UBOX5: variants seen among roughly 807,000 people sequenced by gnomAD.
UBOX5 encodes U-box domain containing 5, also known as RING finger protein 37.
Under a neutral mutation model 39.0 loss-of-function variants are expected in UBOX5, and 28 were observed. The ratio of observed to expected loss-of-function variants is 0.72; its 90% CI spans 0.53 to 0.98. The LOEUF is 0.98. UBOX5 is among the 50% of genes least tolerant of loss of function. The pLI, the probability that UBOX5 is intolerant of heterozygous loss-of-function variation, is 0.00. For synonymous variants in UBOX5, 283 were observed against 275.5 expected (o/e 1.03, Z -0.27); for missense variants, 585 against 674.4 (o/e 0.87, Z 1.47).
Position 3,143,600 on chromosome 20 carries a change from C to T in UBOX5, c.-42+16166G>A, listed in dbSNP as rs1477229375. The stretch of plus-strand genomic sequence containing the variant: ...CACGAGGTCAGGAGTTCAAGACCAG[C>T]CTGGCCAAGATGGCGAAACCCTGTC... On this transcript the variant is annotated intron_variant, in intron 1 of 4. Transcript: ENST00000217173. Among the ~76,000 whole-genome samples the T allele has an allele frequency of 2.6e-5, 4 of 152,150 alleles. No homozygotes were observed. The East Asian group carries it at 7.7e-4, about 29-fold the overall frequency.
intron 1 of UBOX5, among the ~76,000 whole-genome samples, chr20:3,143,348 C>T (rs916798865): frequency 2.6e-5 from 4 of 151,890 alleles, no homozygotes; most frequent in African/African-American, 7.3e-5. Context: ...GTGGTCTGCC[C>T]GCCTCAGCTT....
intron 1 of UBOX5, chr20:3,148,569 A>G: frequency 1.9e-6 from 3 of 1,614,176 alleles, no homozygotes; most frequent in Non-Finnish European, 2.5e-6. Context: ...CTCAGCTTAC[A>G]CAAATAATCA....
chr20:3,121,133 C>T (rs754908016), intron 3 of UBOX5, among the ~76,000 whole-genome samples: 48 of 152,294 alleles, frequency 3.2e-4, no homozygotes, highest in African/African-American at 1.2e-3. Context: ...AACAGAGGAG[C>T]GAAACACGCA....
In UBOX5 at chr20:3,149,059, A is replaced by G. The variant is rs2066598811; in HGVS notation, c.-42+10707T>C. The G allele has an allele frequency of 1.2e-6, 2 of 1,610,334 alleles. No individual in the cohort carries two copies. Among genetic ancestry groups the G allele is most frequent in the African/African-American group, 2.7e-5 (2 of 74,822 alleles). ...ATCTTACAAGTTTTAATGACTTGAG[A>G]GTAGCTGCCATTCTGGTGTCAGTAT... On this transcript the variant is annotated intron_variant, in intron 1 of 4. Coordinates refer to ENST00000217173, the MANE Select transcript of UBOX5 (RefSeq NM_014948.4). This position sits in a 1 kb window ranked among gnomAD's most constrained non-coding sequence, Gnocchi z 4.1.
At position 3,125,784 on chromosome 20, in the gene UBOX5, C is replaced by A. The variant is rs572180711; in HGVS notation, c.-41-2378G>T. ...GCCACCCCGTCTGGGAGGTGAGGAG[C>A]GCCTCTGCCCAGCCGCCACCCCGTC... On this transcript the variant is annotated intron_variant, in intron 1 of 4. Coordinates refer to ENST00000217173, the MANE Select transcript of UBOX5 (RefSeq NM_014948.4). 2.0e-3 allele frequency among the ~76,000 whole-genome samples: 272 copies of A among 135,352 alleles called. 1 individual carries two copies. The highest frequency in any genetic ancestry group is 2.8e-3 in the Non-Finnish European group (177 of 64,324). The allele number at this position is 135,352 out of a possible 152,430, so 88.8% of individuals were successfully genotyped here.
chr20:3,132,594 A>G (rs1470687751), intron 1 of UBOX5, among the ~76,000 whole-genome samples: 1 of 151,608 alleles, frequency 6.6e-6, no homozygotes, highest in East Asian at 1.9e-4. Flanking sequence ...TGAGGCGGGC[A>G]GATCACTTGA....
rs772932401 is a variant in UBOX5 at position 3,115,299 on chromosome 20, T to C, written c.1417+6A>G. 151 of 1,608,596 alleles carry C rather than the reference T, an allele frequency of 9.4e-5. No homozygotes were observed. In the South Asian group the frequency reaches 1.6e-3, roughly 17 times the overall value. ...GGCTCCAAGGAGATGGCGGGGCCCA[T>C]GTTACCCGAGCCGGTGCCAGGCCTC... On this transcript the variant is annotated splice_donor_region_variant and intron_variant, in intron 4 of 4. Coordinates refer to ENST00000217173, the MANE Select transcript of UBOX5 (RefSeq NM_014948.4).
At position 3,108,936 on chromosome 20, in the gene UBOX5, TA is replaced by T. The variant is rs11480926; in HGVS notation, c.*1169del. On this transcript the variant is annotated 3_prime_UTR_variant, in exon 5 of 5. Coordinates refer to ENST00000217173, the MANE Select transcript of UBOX5 (RefSeq NM_014948.4). ...CAACAGAGACCAACCCTGTCTCAAT[TA>T]AAAAAAAAAAAAAAAAAGCAACTAA... 1.5e-3 allele frequency: 189 copies of T among 122,186 alleles called. No individual in the cohort carries two copies. The highest frequency in any genetic ancestry group is 1.7e-3 in the Non-Finnish European group (104 of 59,560). The allele number at this position is 122,186 out of a possible 1,614,324, so 7.6% of individuals were successfully genotyped here. A position where few individuals can be genotyped will look rare whatever the true frequency, so the allele number is the denominator to read the frequency against.
At chr20:3,146,462 A>G (rs1186768286) in intron 1 of UBOX5, 1 of 228,036 alleles carries the variant, frequency 4.4e-6, no homozygotes, top group Admixed American at 5.0e-5. Context: ...CTATACTTTT[A>G]TTCTAAAAAC....
intron 1 of UBOX5, among the ~76,000 whole-genome samples, chr20:3,130,662 A>G (rs373105679): frequency 1.3e-5 from 2 of 152,108 alleles, no homozygotes; most frequent in African/African-American, 4.8e-5. Flanking sequence ...TTCTTAACCC[A>G]TTAATTTTTC....
chr20:3,130,090 G>A (rs1432909136), intron 1 of UBOX5, among the ~76,000 whole-genome samples: 1 of 151,906 alleles, frequency 6.6e-6, no homozygotes, highest in Admixed American at 6.6e-5. Flanking sequence ...AATATTAGCT[G>A]GGCATGGTGG....
At chr20:3,140,588 T>A (rs1223385923) in intron 1 of UBOX5, among the ~76,000 whole-genome samples, 1 of 152,168 alleles carries the variant, frequency 6.6e-6, no homozygotes, top group Non-Finnish European at 1.5e-5. Flanking sequence ...TCCTGAATTT[T>A]CAACTTACCT....
intron 1 of UBOX5, among the ~76,000 whole-genome samples, chr20:3,137,949 A>AT (rs2066485912): frequency 6.6e-6 from 1 of 152,212 alleles, no homozygotes; most frequent in Admixed American, 6.5e-5. Context: ...TGTCACTTAA[A>AT]TGATAAATAT....
intron 3 of UBOX5, among the ~76,000 whole-genome samples, chr20:3,117,949 G>A (rs551267950): frequency 2.7e-5 from 4 of 148,726 alleles, no homozygotes; most frequent in South Asian, 4.3e-4. Context: ...CAGAGATTGC[G>A]ACACTGCACT....
At chr20:3,114,440 G>C (rs1030333266) in intron 4 of UBOX5, among the ~76,000 whole-genome samples, 2 of 152,146 alleles carry the variant, frequency 1.3e-5, no homozygotes, top group African/African-American at 4.8e-5. Context: ...GTTGCAATCA[G>C]TTTCTGTTGC....
At chr20:3,126,380 CAGGGACCTCTGCCTAGGAAAACCAAAGA>C (rs1302242170) in intron 1 of UBOX5, among the ~76,000 whole-genome samples, 1 of 151,966 alleles carries the variant, frequency 6.6e-6, no homozygotes, top group Non-Finnish European at 1.5e-5. Context: ...CGGAAGGCCG[CAGGGACCTCTGCCTAGGAAAACCAAAGA>C]CCTTTGTTCA....
intron 1 of UBOX5, chr20:3,151,647 TA>T (rs556154498): frequency 5.2e-4 from 78 of 151,274 alleles, no homozygotes; most frequent in Middle Eastern, 6.8e-3. Context: ...AAAAATAAAT[TA>T]AAAAAATAAA....
At chr20:3,117,513 G>T (rs188791151) in intron 3 of UBOX5, among the ~76,000 whole-genome samples, 2 of 151,964 alleles carry the variant, frequency 1.3e-5, no homozygotes, top group Non-Finnish European at 2.9e-5. Context: ...GTGAAACACC[G>T]TCTCTAATAA....
Position 3,150,000 on chromosome 20 carries a change from A to C in UBOX5, c.-42+9766T>G, listed in dbSNP as rs1461105946. Reference sequence around the variant, plus strand: ...TGCCACTGCACTCCAGCCTAGGCGAAAAAGTGAGACTCCATCTCAAAAAAA... The same window carrying C: ...TGCCACTGCACTCCAGCCTAGGCGACAAAGTGAGACTCCATCTCAAAAAAA... On this transcript the variant is annotated intron_variant, in intron 1 of 4. Coordinates refer to ENST00000217173, the MANE Select transcript of UBOX5 (RefSeq NM_014948.4). The surrounding 1 kb of genome is among the most constrained non-coding windows in gnomAD (Gnocchi z 4.1). Among the ~76,000 whole-genome samples, 2 of 151,708 alleles carry C rather than the reference A, an allele frequency of 1.3e-5. No individual in the cohort carries two copies. Among genetic ancestry groups the C allele is most frequent in the African/African-American group, 4.9e-5 (2 of 41,200 alleles).
Sources: allele counts gnomAD v4.1 joint callset (sites outside exome capture counted in the v4.1 genomes callset), GRCh38; gene constraint gnomAD v4.1.1; non-coding constraint Gnocchi (gnomAD v3.1); transcripts MANE v1.5; gene names NCBI Gene and HGNC (gene_info 2026-07-23, HGNC 2026-07-21).